EARS2: variants seen among roughly 807,000 people sequenced by gnomAD.
EARS2 encodes nondiscriminating glutamyl-tRNA synthetase EARS2, mitochondrial.
Under a neutral mutation model 54.1 loss-of-function variants are expected in EARS2, and 50 were observed. The observed-to-expected ratio is 0.92, with a 90% CI of 0.74 to 1.17. The LOEUF (loss-of-function observed/expected upper bound fraction) is 1.17. Ranked by LOEUF, EARS2 falls within the 50% of genes most tolerant of loss-of-function variation. EARS2 has a pLI of 0.00. For missense variants in EARS2, 673 were observed against 675.0 expected, an observed-to-expected ratio of 1.00 and a Z score of 0.03; for synonymous variants, 298 against 281.0, an observed-to-expected ratio of 1.06 and a Z score of -0.61.
At chr16:23,551,288 T>C (rs937030221) in intron 2 of EARS2, among the ~76,000 whole-genome samples, 1 of 152,104 alleles carries the variant, frequency 6.6e-6, no homozygotes, top group African/African-American at 2.4e-5. Flanking sequence ...CTGGCCCCTG[T>C]AGGGAATGAA....
In EARS2 at chr16:23,522,146, G is replaced by A. The variant is rs1358275055; in HGVS notation, c.*2225C>T. 4.5e-6 allele frequency: 1 copy of A among 223,610 alleles called. No individual in the cohort carries two copies. Among genetic ancestry groups the A allele is most frequent in the Non-Finnish European group, 9.3e-6 (1 of 107,492 alleles). The allele number at this position is 223,610 out of a possible 1,614,324, so 13.9% of individuals were successfully genotyped here. A position where few individuals can be genotyped will look rare whatever the true frequency, so the allele number is the denominator to read the frequency against. On this transcript the variant is annotated 3_prime_UTR_variant, in exon 9 of 9. Transcript: ENST00000449606. ...AGTATTATTATTGTCCCCTTCTGTG[G>A]TCAACCACCTGTTGTTTCTGCCATT...
chr16:23,539,243 G>T (rs1965474361), intron 3 of EARS2, among the ~76,000 whole-genome samples: 1 of 152,094 alleles, frequency 6.6e-6, no homozygotes, highest in African/African-American at 2.4e-5. Flanking sequence ...AAGGCCCAAA[G>T]TAATAGTTTT....
chr16:23,542,959 A>G (rs1233413165), intron 3 of EARS2, among the ~76,000 whole-genome samples: 3 of 150,532 alleles, frequency 2.0e-5, no homozygotes, highest in African/African-American at 7.3e-5. Context: ...TATTAAAAAC[A>G]CAAAAATTAG....
intron 2 of EARS2, among the ~76,000 whole-genome samples, chr16:23,547,447 T>C (rs1405654721): frequency 1.3e-5 from 2 of 152,166 alleles, no homozygotes; most frequent in African/African-American, 4.8e-5. Context: ...AGTAAATATA[T>C]TGAAAACCAC....
chr16:23,550,316 G>A (rs1030012292), intron 2 of EARS2, among the ~76,000 whole-genome samples: 1 of 150,476 alleles, frequency 6.6e-6, no homozygotes, highest in African/African-American at 2.5e-5. Flanking sequence ...ACAGTGAGCT[G>A]TGTTTGAACC....
chr16:23,524,417 C>T lies in EARS2; in HGVS notation c.1526G>A (p.Gly509Glu), dbSNP rs1349725212. Residue 509 changes from glycine (G) to glutamate (E), a missense_variant, in exon 9 of 9, where the codon GGA becomes GAA. Coordinates refer to ENST00000449606, the MANE Select transcript of EARS2 (RefSeq NM_001083614.2). ...GATCCGTTCCCGTACTTCCTTTGGT[C>T]CCAAGGCCAACATCATCTCAGCTAC... is the stretch of plus-strand genomic sequence containing the variant. ...PPVAEMMLAL[G>E]PKEVRERIQK... is the part of the protein sequence containing the mutation. 1 of 1,614,158 alleles carries T rather than the reference C, an allele frequency of 6.2e-7. No individual in the cohort carries two copies. The highest frequency in any genetic ancestry group is 1.1e-5 in the South Asian group (1 of 91,082).
At chr16:23,547,927 C>T (rs947428209) in intron 2 of EARS2, among the ~76,000 whole-genome samples, 5 of 151,740 alleles carry the variant, frequency 3.3e-5, no homozygotes, top group Non-Finnish European at 7.4e-5. Flanking sequence ...TGAAACACCG[C>T]CTCTAAAAAA....
intron 3 of EARS2, among the ~76,000 whole-genome samples, chr16:23,542,439 TC>T (rs1226398886): frequency 7.0e-6 from 1 of 142,814 alleles, no homozygotes; most frequent in Non-Finnish European, 1.5e-5. Flanking sequence ...TGCCTCAGCC[TC>T]CCGAGCAGCT....
chr16:23,547,852 T>A (rs1308761919), intron 2 of EARS2, among the ~76,000 whole-genome samples: 1 of 151,988 alleles, frequency 6.6e-6, no homozygotes, highest in East Asian at 1.9e-4. Flanking sequence ...ATCCCAGCAC[T>A]TTGGGAGGCC....
chr16:23,538,153 T>G (rs1567383888), intron 3 of EARS2, among the ~76,000 whole-genome samples: 1 of 151,554 alleles, frequency 6.6e-6, no homozygotes, highest in Non-Finnish European at 1.5e-5. Flanking sequence ...ATACAAAACC[T>G]ACACTATCCT....
At chr16:23,557,003 A>C (rs1467961310) in intron 1 of EARS2, 2 of 831,106 alleles carry the variant, frequency 2.4e-6, no homozygotes, top group East Asian at 5.3e-5. Context: ...GATGGCACAA[A>C]AAACACAAGA....
At chr16:23,524,939 C>T (rs1597005313) in intron 8 of EARS2, 1 of 562,176 alleles carries the variant, frequency 1.8e-6, no homozygotes. Context: ...GCCACCGTGC[C>T]TGGCCTGATT....
intron 5 of EARS2, 84 bp from the exon 6 acceptor site, chr16:23,529,981 G>A: frequency 6.5e-7 from 1 of 1,539,156 alleles, no homozygotes. Context: ...GGGTGAAGTT[G>A]GAAGAATGAC....
At chr16:23,526,983 G>A (rs1965239773) in intron 7 of EARS2, among the ~76,000 whole-genome samples, 1 of 151,600 alleles carries the variant, frequency 6.6e-6, no homozygotes, top group South Asian at 2.1e-4. Context: ...TTTTTTTTAA[G>A]ACAGGATCTT....
In EARS2 at chr16:23,544,508, T is replaced by C. The variant is rs1166764023; in HGVS notation, c.485+6A>G. On this transcript the variant is annotated splice_donor_region_variant and intron_variant, in intron 3 of 8. Coordinates refer to ENST00000449606, the MANE Select transcript of EARS2 (RefSeq NM_001083614.2). Reference sequence around the variant, plus strand: ...TGAGGCATCTGCAACAAGCTGAGGTTCTTACCGGGGCGTCTGGTGGTTCCG... The same window carrying C: ...TGAGGCATCTGCAACAAGCTGAGGTCCTTACCGGGGCGTCTGGTGGTTCCG... 9 of 1,612,278 alleles carry C rather than the reference T, an allele frequency of 5.6e-6. No homozygotes were observed. In the South Asian group the frequency reaches 9.9e-5, roughly 18 times the overall value.
At chr16:23,526,253 C>CA (rs1376966566) in intron 7 of EARS2, among the ~76,000 whole-genome samples, 1 of 151,356 alleles carries the variant, frequency 6.6e-6, no homozygotes, top group African/African-American at 2.4e-5. Flanking sequence ...GCTGGGATTA[C>CA]AGGCACGTGC....
At chr16:23,549,141 G>A (rs1213077931) in intron 2 of EARS2, among the ~76,000 whole-genome samples, 5 of 152,178 alleles carry the variant, frequency 3.3e-5, no homozygotes, top group African/African-American at 1.2e-4. Flanking sequence ...AAAGAGAGCT[G>A]TAACACGCTC....
At chr16:23,533,755 G>C (rs1388629466) in intron 4 of EARS2, among the ~76,000 whole-genome samples, 1 of 152,070 alleles carries the variant, frequency 6.6e-6, no homozygotes, top group East Asian at 1.9e-4. Flanking sequence ...TCCAAAGCAC[G>C]ATCAAGAGTT....
chr16:23,522,739 C>T lies in EARS2; in HGVS notation c.*1632G>A, dbSNP rs917620819. The T allele has an allele frequency of 1.2e-4, 18 of 152,292 alleles. No homozygotes were observed. Among genetic ancestry groups the T allele is most frequent in the African/African-American group, 4.3e-4 (18 of 41,570 alleles). The allele number at this position is 152,292 out of a possible 1,614,324, so 9.4% of individuals were successfully genotyped here. ...AAACCAAGTAGCTTTAAACAATAAA[C>T]GTTTACTATCTCACAGTTCATGTGT... On this transcript the variant is annotated 3_prime_UTR_variant, in exon 9 of 9. Transcript: ENST00000449606.
Sources: allele counts gnomAD v4.1 joint callset (sites outside exome capture counted in the v4.1 genomes callset), GRCh38; gene constraint gnomAD v4.1.1; transcripts MANE v1.5; gene names NCBI Gene and HGNC (gene_info 2026-07-23, HGNC 2026-07-21).